SPTLC3: variants seen among roughly 807,000 people sequenced by gnomAD.
SPTLC3 encodes serine palmitoyltransferase 3.
In SPTLC3, 36 loss-of-function variants were observed where a neutral mutation model predicts 59.3. The observed-to-expected ratio is 0.61, with a 90% CI of 0.47 to 0.80. The LOEUF is 0.80. Among genes scored for constraint, SPTLC3 ranks in the 30% least tolerant of loss-of-function variants. The pLI is 0.00. For synonymous variants in SPTLC3, 257 were observed against 240.8 expected (o/e 1.07, Z -0.62); for missense variants, 625 against 685.1 (o/e 0.91, Z 0.98).
At chr20:13,121,001 G>A (rs891496673) in intron 8 of SPTLC3, among the ~76,000 whole-genome samples, 3 of 152,216 alleles carry the variant, frequency 2.0e-5, no homozygotes, top group East Asian at 1.9e-4. Flanking sequence ...TCAGAGCTCC[G>A]TGCCATGAAT....
At chr20:13,091,036 C>A (rs1419372692) in intron 4 of SPTLC3, 47 bp from the exon 5 acceptor site, 1 of 1,605,066 alleles carries the variant, frequency 6.2e-7, no homozygotes, top group East Asian at 2.2e-5. Flanking sequence ...TCAATCTTGG[C>A]CTTGTTGAAA....
chr20:13,032,980 A>T (rs1404694335), intron 1 of SPTLC3, among the ~76,000 whole-genome samples: 1 of 152,196 alleles, frequency 6.6e-6, no homozygotes, highest in Non-Finnish European at 1.5e-5. Flanking sequence ...ACTCTCTTTG[A>T]CTTCTGGGGT....
intron 10 of SPTLC3, among the ~76,000 whole-genome samples, chr20:13,159,403 T>C (rs1240370530): frequency 1.3e-5 from 2 of 152,162 alleles, no homozygotes; most frequent in Admixed American, 1.3e-4. Context: ...CAGGAGACCT[T>C]GCTATTTCTT....
chr20:13,018,679 T>C (rs1354488827), intron 1 of SPTLC3, among the ~76,000 whole-genome samples: 1 of 152,198 alleles, frequency 6.6e-6, no homozygotes, highest in East Asian at 1.9e-4. Flanking sequence ...ATTTTATCTA[T>C]TGGTTAAAGC....
intron 7 of SPTLC3, among the ~76,000 whole-genome samples, chr20:13,110,856 T>C (rs35868902): frequency 0.37 from 56,613 of 151,804 alleles, 10,994 homozygotes; most frequent in African/African-American, 0.48. Context: ...GGGGGATATC[T>C]CCTATAATGA....
chr20:13,029,735 G>A lies in SPTLC3; in HGVS notation c.118-19210G>A, dbSNP rs373285325. On this transcript the variant is annotated intron_variant, in intron 1 of 11. Transcript: ENST00000399002. ...ACAAAAGATCTCAGCCAGGGAATCCGTATATTTCAACTAAGTGTAATCTGT... is the reference window on the plus strand; with the variant it reads ...ACAAAAGATCTCAGCCAGGGAATCCATATATTTCAACTAAGTGTAATCTGT... Among the ~76,000 whole-genome samples the A allele has an allele frequency of 4.8e-4, 73 of 152,248 alleles. No individual in the cohort carries two copies. In the South Asian group the frequency reaches 0.011, roughly 22 times the overall value.
At position 13,167,085 on chromosome 20, in the gene SPTLC3, G is replaced by A. The variant is rs2038993481; in HGVS notation, c.*2218G>A. On this transcript the variant is annotated 3_prime_UTR_variant, in exon 12 of 12. Transcript: ENST00000399002. ...TTGATATACAGGTATAATCCAAGTA[G>A]AATGCTTCCACAGTGCATTAGAAGG... The A allele has an allele frequency of 6.6e-6, 1 of 152,192 alleles. No homozygotes were observed. Among genetic ancestry groups the A allele is most frequent in the East Asian group, 1.9e-4 (1 of 5,202 alleles). 9.4% of individuals were successfully genotyped at this position (152,192 alleles called of 1,614,324 possible). A position where few individuals can be genotyped will look rare whatever the true frequency, so the allele number is the denominator to read the frequency against.
chr20:13,092,740 G>T (rs1989270609), intron 5 of SPTLC3, among the ~76,000 whole-genome samples: 1 of 152,266 alleles, frequency 6.6e-6, no homozygotes, highest in Non-Finnish European at 1.5e-5. Context: ...AAAGCATGCT[G>T]TATGTGAAAC....
chr20:13,101,839 G>A (rs1989611869), intron 6 of SPTLC3, among the ~76,000 whole-genome samples: 1 of 152,120 alleles, frequency 6.6e-6, no homozygotes, highest in Non-Finnish European at 1.5e-5. Context: ...TGCTGCTACT[G>A]CTGCTGCTGC....
chr20:13,157,663 A>AG (rs2038806481), intron 10 of SPTLC3, among the ~76,000 whole-genome samples: 1 of 151,534 alleles, frequency 6.6e-6, no homozygotes, highest in African/African-American at 2.4e-5. Context: ...CACTACAAAC[A>AG]GAAAAAAAAA....
intron 1 of SPTLC3, among the ~76,000 whole-genome samples, chr20:13,022,180 G>T (rs540637059): frequency 6.6e-6 from 1 of 152,102 alleles, no homozygotes; most frequent in African/African-American, 2.4e-5. Flanking sequence ...GGTGCCATTC[G>T]TGACTTTTCT....
chr20:13,099,508 G>A (rs12625797), intron 6 of SPTLC3, among the ~76,000 whole-genome samples: 39,316 of 152,116 alleles, frequency 0.26, 5,460 homozygotes, highest in African/African-American at 0.36. Context: ...CAGGTGCACA[G>A]AACCCTTGTT....
chr20:13,088,898 T>C (rs1461021490), intron 4 of SPTLC3, among the ~76,000 whole-genome samples: 3 of 151,726 alleles, frequency 2.0e-5, no homozygotes, highest in Non-Finnish European at 4.4e-5. Flanking sequence ...CCCAAAGTGC[T>C]GGGATTACAG....
At chr20:13,011,894 T>C (rs1985274794) in intron 1 of SPTLC3, among the ~76,000 whole-genome samples, 1 of 152,158 alleles carries the variant, frequency 6.6e-6, no homozygotes, top group East Asian at 1.9e-4. Context: ...TCCCTCTTCA[T>C]GAGCATATCC....
In SPTLC3 at chr20:13,064,728, G is replaced by A. The variant is rs60964438; in HGVS notation, c.304-7528G>A. Among the ~76,000 whole-genome samples the A allele has an allele frequency of 3.2e-3, 494 of 152,238 alleles. 2 individuals are homozygous for A. The highest frequency in any genetic ancestry group is 0.011 in the African/African-American group (467 of 41,532). ...TGTATACTTTAGAATTAGCTTGCGA[G>A]GTATAGAATTTGGAAAAAACTGGCC... On this transcript the variant is annotated intron_variant, in intron 2 of 11. Coordinates refer to ENST00000399002, the MANE Select transcript of SPTLC3 (RefSeq NM_018327.4).
chr20:13,142,770 C>A (rs952036300), intron 9 of SPTLC3, among the ~76,000 whole-genome samples: 1 of 152,160 alleles, frequency 6.6e-6, no homozygotes, highest in Admixed American at 6.5e-5. Context: ...TCTTTTGGGG[C>A]TGTAGGACTG....
intron 10 of SPTLC3, among the ~76,000 whole-genome samples, chr20:13,157,033 G>C (rs1260603561): frequency 6.6e-6 from 1 of 152,142 alleles, no homozygotes; most frequent in African/African-American, 2.4e-5. Flanking sequence ...TAATATCACA[G>C]AGTACTAAAT....
At chr20:13,043,762 A>C (rs1987098398) in intron 1 of SPTLC3, among the ~76,000 whole-genome samples, 1 of 152,160 alleles carries the variant, frequency 6.6e-6, no homozygotes, top group Admixed American at 6.5e-5. Context: ...TAGTAACCGA[A>C]GTCACCACCT....
intron 2 of SPTLC3, among the ~76,000 whole-genome samples, chr20:13,061,760 C>G (rs1600242020): frequency 6.6e-6 from 1 of 152,336 alleles, no homozygotes; most frequent in South Asian, 2.1e-4. Flanking sequence ...CCTGCTGCTA[C>G]AAGCTTTGTC....
Sources: allele counts gnomAD v4.1 joint callset (sites outside exome capture counted in the v4.1 genomes callset), GRCh38; gene constraint gnomAD v4.1.1; transcripts MANE v1.5; gene names NCBI Gene and HGNC (gene_info 2026-07-23, HGNC 2026-07-21).